Variants in DSCAM observed in about 807,000 individuals in gnomAD.
The protein encoded by DSCAM is cell adhesion molecule DSCAM.
DSCAM carries 47 observed loss-of-function variants against 217.7 expected under a neutral mutation model. The observed-to-expected ratio is 0.22, with a 90% CI of 0.17 to 0.28. DSCAM has a LOEUF of 0.28. Ranked by LOEUF, DSCAM falls within the 10% of genes least tolerant of loss-of-function variation. The pLI is 1.00. For synonymous variants in DSCAM, 1,056 were observed against 1,015.3 expected (o/e 1.04, Z -0.76); for missense variants, 2,080 against 2,618.3 (o/e 0.79, Z 4.49).
At chr21:40,736,371 C>T (rs1347943192) in intron 1 of DSCAM, among the ~76,000 whole-genome samples, 1 of 152,074 alleles carries the variant, frequency 6.6e-6, no homozygotes, top group Non-Finnish European at 1.5e-5. Flanking sequence ...CTTCTCTCTC[C>T]AAAAGTCAGG....
intron 3 of DSCAM, among the ~76,000 whole-genome samples, chr21:40,604,916 A>G (rs534009501): frequency 6.6e-6 from 1 of 152,320 alleles, no homozygotes; most frequent in South Asian, 2.1e-4. Context: ...GGCAGGCAGG[A>G]TAGAAGGGGG....
chr21:40,097,957 AGAAAGAAAGAAAGAAAGAAAGAAAGAAAG>A (rs1419525561), intron 20 of DSCAM, among the ~76,000 whole-genome samples: 11 of 59,040 alleles, frequency 1.9e-4, no homozygotes, highest in African/African-American at 7.6e-4. Context: ...AAAAAAAAAA[AGAAAGAAAGAAAGAAAGAAAGAAAGAAAG>A]AAAGAAAGAA....
At chr21:40,068,517 C>A (rs908761265) in intron 27 of DSCAM, among the ~76,000 whole-genome samples, 1 of 151,986 alleles carries the variant, frequency 6.6e-6, no homozygotes, top group East Asian at 1.9e-4. Context: ...ATCAATAGAC[C>A]AAGTATTTTT....
chr21:40,069,875 C>A (rs1034678082), intron 27 of DSCAM, among the ~76,000 whole-genome samples: 1 of 152,036 alleles, frequency 6.6e-6, no homozygotes, highest in African/African-American at 2.4e-5. Context: ...AAAACTGTGG[C>A]AGACATATAT....
rs2146592709 is a variant in DSCAM at position 40,093,788 on chromosome 21, C to T, written c.3783G>A (p.Val1261=). ...LSRNRQYSVW[V]VAVTSAGRGN... Reference sequence around the variant, plus strand: ...CTCTTCCGGCTGAAGTAACAGCCACCACCCAGACGCTGTACTGACGATTCC... The same window carrying T: ...CTCTTCCGGCTGAAGTAACAGCCACTACCCAGACGCTGTACTGACGATTCC... The change falls in exon 21 of 33, where the codon GTG becomes GTA. Residue 1261 remains valine, a synonymous_variant. Transcript: ENST00000400454. The T allele has an allele frequency of 6.2e-7, 1 of 1,613,968 alleles. No individual in the cohort carries two copies. The highest frequency in any genetic ancestry group is 8.5e-7 in the Non-Finnish European group (1 of 1,179,980).
chr21:40,058,198 C>T (rs1293165289), intron 28 of DSCAM, among the ~76,000 whole-genome samples: 1 of 152,058 alleles, frequency 6.6e-6, no homozygotes, highest in Non-Finnish European at 1.5e-5. Flanking sequence ...TTTCTCTTTG[C>T]ACTTGGCTGT....
At chr21:40,062,110 C>A (rs552054225) in intron 28 of DSCAM, among the ~76,000 whole-genome samples, 36 of 152,264 alleles carry the variant, frequency 2.4e-4, no homozygotes, top group African/African-American at 8.7e-4. Context: ...CACAAGAAAA[C>A]TGAACATTTG....
intron 3 of DSCAM, among the ~76,000 whole-genome samples, chr21:40,665,628 C>T (rs1311878724): frequency 4.6e-4 from 70 of 152,158 alleles, no homozygotes; most frequent in Non-Finnish European, 1.2e-4. Context: ...CAATTGTAAG[C>T]AGGTCATTAT....
chr21:40,743,055 G>T (rs1199905024), intron 1 of DSCAM, among the ~76,000 whole-genome samples: 1 of 152,136 alleles, frequency 6.6e-6, no homozygotes, highest in Non-Finnish European at 1.5e-5. Flanking sequence ...CTTTACTGAA[G>T]AAGACTTCTG....
rs542188269 is a variant in DSCAM, at chr21:40,204,949, A to G, written c.2357-15711T>C. Among the ~76,000 whole-genome samples, 10 of 152,332 alleles carry G rather than the reference A, an allele frequency of 6.6e-5. No homozygotes were observed. The South Asian group carries it at 1.4e-3, about 22-fold the overall frequency. ...AGATGCATGGCACATTTGCAGGAAT[A>G]CATTCCATGTAACTGTTGGCAGGCT... On this transcript the variant is annotated intron_variant, in intron 11 of 32. Coordinates refer to ENST00000400454, the MANE Select transcript of DSCAM (RefSeq NM_001389.5).
chr21:40,525,734 C>A (rs2837674), intron 3 of DSCAM, among the ~76,000 whole-genome samples: 24,748 of 152,192 alleles, frequency 0.16, 2,245 homozygotes, highest in Middle Eastern at 0.23. Context: ...TAAAATTAGA[C>A]AGACTCAGCT....
intron 8 of DSCAM, 66 bp downstream of exon 8, chr21:40,338,035 T>A (rs1244910057): frequency 1.3e-6 from 2 of 1,571,024 alleles, no homozygotes; most frequent in Non-Finnish European, 1.7e-6. Context: ...CGACTTCAAA[T>A]CATTGGTCTG....
At chr21:40,244,100 G>A (rs573115169) in intron 11 of DSCAM, among the ~76,000 whole-genome samples, 9 of 152,200 alleles carry the variant, frequency 5.9e-5, no homozygotes, top group African/African-American at 2.2e-4. Context: ...ATTCTGTCAC[G>A]GTGAACTAAT....
chr21:40,790,595 ATGAT>A (rs1283649647), intron 1 of DSCAM, among the ~76,000 whole-genome samples: 6 of 152,140 alleles, frequency 3.9e-5, no homozygotes, highest in African/African-American at 1.4e-4. Context: ...AGTTGTATAA[ATGAT>A]TGGTTGATTG....
At chr21:40,792,231 T>C (rs549189574) in intron 1 of DSCAM, among the ~76,000 whole-genome samples, 64 of 149,146 alleles carry the variant, frequency 4.3e-4, no homozygotes, top group Non-Finnish European at 8.7e-4. Context: ...CTCAACTTCC[T>C]GGGTTCAAGC....
chr21:40,504,994 A>G (rs2076198993), intron 3 of DSCAM, among the ~76,000 whole-genome samples: 1 of 152,170 alleles, frequency 6.6e-6, no homozygotes, highest in Non-Finnish European at 1.5e-5. Context: ...CTCTGGTGCT[A>G]TGTTACTCAG....
At position 40,433,994 on chromosome 21, in the gene DSCAM, C is replaced by T. The variant is rs1277394622; in HGVS notation, c.509-64749G>A. On this transcript the variant is annotated intron_variant, in intron 3 of 32. Transcript: ENST00000400454. The stretch of plus-strand genomic sequence containing the variant: ...AGCTGGAGTCCACACCACATGGTTT[C>T]ACCTGGGAAGGGCCAGTGACTTCCA... Among the ~76,000 whole-genome samples the T allele has an allele frequency of 2.6e-5, 4 of 152,236 alleles. No individual in the cohort carries two copies. The East Asian group carries it at 7.7e-4, about 29-fold the overall frequency.
At chr21:40,161,560 C>T (rs775107542) in intron 16 of DSCAM, among the ~76,000 whole-genome samples, 20 of 152,254 alleles carry the variant, frequency 1.3e-4, no homozygotes, top group Non-Finnish European at 2.4e-4. Context: ...TCAACCCTCA[C>T]GGAACCTAGA....
chr21:40,607,537 A>G (rs766853847), intron 3 of DSCAM, among the ~76,000 whole-genome samples: 1 of 151,894 alleles, frequency 6.6e-6, no homozygotes, highest in Non-Finnish European at 1.5e-5. Flanking sequence ...CCCAAATCTC[A>G]TCGTGAATTG....
Sources: gnomAD v4.1 joint callset for allele counts (sites outside exome capture counted in the v4.1 genomes callset) on GRCh38, gnomAD v4.1.1 for gene constraint, MANE v1.5 for transcripts, NCBI Gene and HGNC (gene_info 2026-07-23, HGNC 2026-07-21) for gene names.